Variants in HGF observed in about 807,000 individuals in gnomAD.
HGF encodes the protein fibroblast-derived tumor cytotoxic factor.
HGF carries 39 observed loss-of-function variants against 111.6 expected under a neutral mutation model. That is an observed-to-expected ratio of 0.35 (90% CI 0.27 to 0.46). HGF has a LOEUF of 0.46. Ranked by LOEUF, HGF falls within the 20% of genes least tolerant of loss-of-function variation. The pLI is 1.00. For missense variants in HGF, 735 were observed against 910.5 expected, an observed-to-expected ratio of 0.81 and a Z score of 2.48; for synonymous variants, 285 against 294.8, an observed-to-expected ratio of 0.97 and a Z score of 0.34.
At chr7:81,722,132 A>T (rs892203669) in intron 9 of HGF, among the ~76,000 whole-genome samples, 1 of 152,090 alleles carries the variant, frequency 6.6e-6, no homozygotes, top group African/African-American at 2.4e-5. Context: ...ATGATATATA[A>T]TCTATTCCTG....
intron 5 of HGF, among the ~76,000 whole-genome samples, chr7:81,745,368 G>A (rs948180204): frequency 9.2e-5 from 14 of 152,108 alleles, no homozygotes; most frequent in Admixed American, 8.5e-4. Context: ...GGGCCACGAC[G>A]CTGTCTATCT....
intron 10 of HGF, among the ~76,000 whole-genome samples, chr7:81,719,014 C>T (rs2115858861): frequency 6.6e-6 from 1 of 152,302 alleles, no homozygotes; most frequent in African/African-American, 2.4e-5. Context: ...GATTTCTTAA[C>T]TGAGCTTACA....
intron 8 of HGF, among the ~76,000 whole-genome samples, chr7:81,727,908 G>C (rs1790061906): frequency 6.6e-6 from 1 of 152,120 alleles, no homozygotes; most frequent in South Asian, 2.1e-4. Flanking sequence ...TTTTTACTAG[G>C]TCCTTACTTT....
chr7:81,744,151 C>T (rs1227857001), intron 6 of HGF, among the ~76,000 whole-genome samples: 2 of 152,076 alleles, frequency 1.3e-5, no homozygotes, highest in African/African-American at 4.8e-5. Context: ...AAAGAAAAAA[C>T]ACCTAACAGC....
intron 7 of HGF, among the ~76,000 whole-genome samples, chr7:81,731,209 T>C (rs1281815172): frequency 6.6e-6 from 1 of 152,196 alleles, no homozygotes; most frequent in Non-Finnish European, 1.5e-5. Context: ...ATGACTACCC[T>C]AATTACTGAA....
At chr7:81,716,230 T>C (rs1789709351) in intron 11 of HGF, among the ~76,000 whole-genome samples, 1 of 152,118 alleles carries the variant, frequency 6.6e-6, no homozygotes, top group Admixed American at 6.6e-5. Context: ...AGTCCAGGAA[T>C]ACTACTAAAC....
intron 6 of HGF, among the ~76,000 whole-genome samples, chr7:81,743,698 A>G (rs1433144269): frequency 6.6e-6 from 1 of 152,156 alleles, no homozygotes; most frequent in Admixed American, 6.5e-5. Context: ...AGTTAGGTCT[A>G]TGTGGTACCT....
At chr7:81,742,876 T>C (rs1389233888) in intron 7 of HGF, 35 of 1,608,412 alleles carry the variant, frequency 2.2e-5, no homozygotes, top group Non-Finnish European at 3.0e-5. Flanking sequence ...TCTATTAGAC[T>C]CATTATTCTT....
At chr7:81,750,557 T>C (rs924916447) in intron 5 of HGF, among the ~76,000 whole-genome samples, 7 of 152,186 alleles carry the variant, frequency 4.6e-5, no homozygotes, top group African/African-American at 1.7e-4. Flanking sequence ...AAGGACTTCT[T>C]TTCTAGCACT....
intron 8 of HGF, among the ~76,000 whole-genome samples, chr7:81,727,392 A>G (rs544532818): frequency 5.7e-4 from 86 of 152,200 alleles, no homozygotes; most frequent in Non-Finnish European, 1.0e-3. Context: ...TAGAAAGTCA[A>G]TAAGTATTAG....
chr7:81,701,666 T>C lies in HGF; in HGVS notation c.*915A>G, dbSNP rs1789282096. 1 of 151,606 alleles carries C rather than the reference T, an allele frequency of 6.6e-6. No homozygotes were observed. The highest frequency in any genetic ancestry group is 1.5e-5 in the Non-Finnish European group (1 of 67,678). 9.4% of individuals were successfully genotyped at this position (151,606 alleles called of 1,614,324 possible). On this transcript the variant is annotated 3_prime_UTR_variant, in exon 18 of 18. Coordinates refer to ENST00000222390, the MANE Select transcript of HGF (RefSeq NM_000601.6). Reference sequence around the variant, plus strand: ...TCTACAAATATCTTGTGTAAATAAGTGGCCTTAAGTTTGGAGGAAACAAAT... The same window carrying C: ...TCTACAAATATCTTGTGTAAATAAGCGGCCTTAAGTTTGGAGGAAACAAAT...
intron 1 of HGF, among the ~76,000 whole-genome samples, chr7:81,768,696 C>T (rs1789486242): frequency 6.6e-6 from 1 of 152,154 alleles, no homozygotes. Context: ...GCGATTTTAA[C>T]ATGACACATG....
intron 12 of HGF, among the ~76,000 whole-genome samples, chr7:81,710,852 C>T (rs562972725): frequency 3.3e-5 from 5 of 152,172 alleles, no homozygotes; most frequent in Non-Finnish European, 5.9e-5. Context: ...ATCCCCTCTA[C>T]TTCTGCCCAT....
chr7:81,722,468 T>C (rs930937584), intron 9 of HGF, among the ~76,000 whole-genome samples: 1 of 151,740 alleles, frequency 6.6e-6, no homozygotes, highest in Non-Finnish European at 1.5e-5. Flanking sequence ...CCCGGCCATA[T>C]TGTTCATATT....
At chr7:81,719,482 C>T (rs571035647) in intron 10 of HGF, among the ~76,000 whole-genome samples, 1 of 152,262 alleles carries the variant, frequency 6.6e-6, no homozygotes, top group Admixed American at 6.5e-5. Flanking sequence ...TCCAAATTGA[C>T]AGGCGCTGTA....
rs28719812 is a variant in HGF at position 81,770,011 on chromosome 7, T to C, written c.-40A>G. 6 of 1,446,014 alleles carry C rather than the reference T, an allele frequency of 4.1e-6. No individual in the cohort carries two copies. In the African/African-American group the frequency reaches 8.5e-5, roughly 20 times the overall value. 89.6% of individuals were successfully genotyped at this position (1,446,014 alleles called of 1,614,324 possible). A position where few individuals can be genotyped will look rare whatever the true frequency, so the allele number is the denominator to read the frequency against. On this transcript the variant is annotated 5_prime_UTR_variant, in exon 1 of 18. Transcript: ENST00000222390. ...GGCTGGCGGATCCCTCTGGAGGAGA[T>C]GCCTGGGTGAAAGAATCCTGTTCGG...
chr7:81,761,556 A>G (rs1180015537), intron 2 of HGF, among the ~76,000 whole-genome samples: 1 of 127,916 alleles, frequency 7.8e-6, no homozygotes, highest in African/African-American at 3.7e-5. Flanking sequence ...TGACCCTGTT[A>G]AAAAAAAAAA....
chr7:81,737,058 CAAT>C (rs1787854945), intron 7 of HGF, among the ~76,000 whole-genome samples: 1 of 151,730 alleles, frequency 6.6e-6, no homozygotes, highest in Admixed American at 6.6e-5. Context: ...ACAAAGGAGA[CAAT>C]GATGGAGTGA....
In HGF at chr7:81,702,431, C is replaced by T. The variant is rs1562868828; in HGVS notation, c.*150G>A. 3.1e-6 allele frequency: 2 copies of T among 650,798 alleles called. No individual in the cohort carries two copies. The highest frequency in any genetic ancestry group is 3.7e-5 in the African/African-American group (2 of 54,594). The allele number at this position is 650,798 out of a possible 1,614,324, so 40.3% of individuals were successfully genotyped here. On this transcript the variant is annotated 3_prime_UTR_variant, in exon 18 of 18. Transcript: ENST00000222390. ...CTGACAAACAAAACAACAGAAAACACCCATAAACATTAATGAGAATTTCAA... is the reference window on the plus strand; with the variant it reads ...CTGACAAACAAAACAACAGAAAACATCCATAAACATTAATGAGAATTTCAA...
Sources: allele counts gnomAD v4.1 joint callset (sites outside exome capture counted in the v4.1 genomes callset), GRCh38; gene constraint gnomAD v4.1.1; transcripts MANE v1.5; gene names NCBI Gene and HGNC (gene_info 2026-07-23, HGNC 2026-07-21).